Variants in GNG4 observed in about 807,000 individuals in gnomAD.
The protein encoded by GNG4 is G protein subunit gamma 4.
In GNG4, 4 loss-of-function variants were observed where a neutral mutation model predicts 5.8. The ratio of observed to expected loss-of-function variants is 0.69; its 90% CI spans 0.34 to 1.57. The LOEUF (loss-of-function observed/expected upper bound fraction) is 1.57, where lower values mean the gene tolerates loss of function less well. Among genes scored for constraint, GNG4 ranks in the 40% most tolerant of loss-of-function variants. GNG4 has a pLI of 0.06. For synonymous variants in GNG4, 29 were observed against 32.9 expected, an observed-to-expected ratio of 0.88 and a Z score of 0.41; for missense variants, 96 against 95.1, an observed-to-expected ratio of 1.01 and a Z score of -0.04.
At chr1:235,581,588 G>C (rs190800239) in intron 3 of GNG4, among the ~76,000 whole-genome samples, 53 of 151,760 alleles carry the variant, frequency 3.5e-4, no homozygotes, top group African/African-American at 1.2e-3. Flanking sequence ...AGATGTGCCT[G>C]CTTACCCTTC....
At chr1:235,635,632 C>T (rs116010643) in intron 1 of GNG4, among the ~76,000 whole-genome samples, 779 of 23,650 alleles carry the variant, frequency 0.033, 5 homozygotes, top group African/African-American at 0.16. Context: ...GCAGAACTGT[C>T]GGCTAAATAA....
chr1:235,650,499 C>A (rs1279199901), upstream of GNG4: 1 of 152,464 alleles, frequency 6.6e-6, no homozygotes, highest in East Asian at 1.9e-4. Context: ...CCAAGGGACG[C>A]CTCGGAAGCC....
At chr1:235,556,838 A>AG (rs1686923015) in intron 3 of GNG4, among the ~76,000 whole-genome samples, 2 of 151,962 alleles carry the variant, frequency 1.3e-5, no homozygotes, top group South Asian at 4.2e-4. Flanking sequence ...TTCTGCAACT[A>AG]GATGGTCCCA....
intron 1 of GNG4, among the ~76,000 whole-genome samples, chr1:235,604,790 A>G (rs1688325125): frequency 6.6e-6 from 1 of 152,086 alleles, no homozygotes; most frequent in African/African-American, 2.4e-5. Flanking sequence ...TAAACTCTGA[A>G]CTCAGTATAG....
intron 1 of GNG4, among the ~76,000 whole-genome samples, chr1:235,610,109 C>T (rs1273735406): frequency 5.3e-5 from 8 of 152,198 alleles, no homozygotes; most frequent in South Asian, 2.1e-4. Flanking sequence ...GAGAATCACA[C>T]GCCACATGGA....
intron 1 of GNG4, among the ~76,000 whole-genome samples, chr1:235,641,438 C>A (rs531497734): frequency 1.3e-5 from 2 of 151,488 alleles, no homozygotes; most frequent in South Asian, 2.1e-4. Flanking sequence ...CGCCCGTAAT[C>A]CCAGCACTTT....
intron 1 of GNG4, among the ~76,000 whole-genome samples, chr1:235,616,743 T>TGC (rs1491312290): frequency 3.4e-4 from 51 of 149,794 alleles, no homozygotes; most frequent in South Asian, 1.3e-3. Flanking sequence ...TGTGTGTGTG[T>TGC]GCGCGCGTGT....
At chr1:235,619,184 C>CAT (rs201225591) in intron 1 of GNG4, among the ~76,000 whole-genome samples, 45 of 69,632 alleles carry the variant, frequency 6.5e-4, no homozygotes, top group African/African-American at 2.4e-3. Context: ...TATACACACA[C>CAT]ATATATATAC....
intron 3 of GNG4, among the ~76,000 whole-genome samples, chr1:235,575,163 A>G (rs1436255824): frequency 6.6e-6 from 1 of 152,148 alleles, no homozygotes; most frequent in Non-Finnish European, 1.5e-5. Context: ...TTTCTGCACT[A>G]TCGCACTCTA....
intron 1 of GNG4, among the ~76,000 whole-genome samples, chr1:235,595,861 C>T (rs149015010): frequency 3.9e-5 from 6 of 152,274 alleles, no homozygotes; most frequent in East Asian, 3.9e-4. Flanking sequence ...AAACAGGTCA[C>T]GTGTTTTCTT....
chr1:235,552,266 G>A (rs1024420740), intron 3 of GNG4, 29 bp from the exon 4 acceptor site: 1 of 1,609,994 alleles, frequency 6.2e-7, no homozygotes, highest in Non-Finnish European at 8.5e-7. Flanking sequence ...CAGGTGCTCA[G>A]TTAAAGGCCC....
At chr1:235,589,744 T>G (rs541022014) in intron 2 of GNG4, among the ~76,000 whole-genome samples, 1 of 152,262 alleles carries the variant, frequency 6.6e-6, no homozygotes, top group South Asian at 2.1e-4. Flanking sequence ...CCTTGAGTTG[T>G]GTTTGCAGCT....
At chr1:235,638,948 T>C (rs1278709972) in intron 1 of GNG4, among the ~76,000 whole-genome samples, 1 of 152,182 alleles carries the variant, frequency 6.6e-6, no homozygotes, top group African/African-American at 2.4e-5. Flanking sequence ...CTATTGTAAA[T>C]AGTGCTGCAA....
intron 2 of GNG4, among the ~76,000 whole-genome samples, chr1:235,592,069 A>G (rs1687976584): frequency 6.6e-6 from 1 of 152,234 alleles, no homozygotes; most frequent in Admixed American, 6.5e-5. Flanking sequence ...TGGTTTCCCT[A>G]TAGAAACTAA....
At chr1:235,569,528 CT>C (rs143624751) in intron 3 of GNG4, among the ~76,000 whole-genome samples, 13 of 145,824 alleles carry the variant, frequency 8.9e-5, no homozygotes, top group South Asian at 2.2e-4. Flanking sequence ...TGCCTATATT[CT>C]TTTTTTTTTG....
intron 1 of GNG4, among the ~76,000 whole-genome samples, chr1:235,607,557 A>G (rs1432507450): frequency 1.3e-5 from 2 of 152,372 alleles, no homozygotes; most frequent in Non-Finnish European, 2.9e-5. Context: ...AAGCAAATGC[A>G]TTGTACTTCA....
In GNG4 at chr1:235,590,408, T is replaced by C. The variant is rs1034213426; in HGVS notation, c.-11+4992A>G. The stretch of plus-strand genomic sequence containing the variant: ...AGGCAGAGATTGCAGTGAGCCGAGA[T>C]TGCGCCACTGCACTCCAGCCTGGGT... On this transcript the variant is annotated intron_variant, in intron 2 of 3. Transcript: ENST00000391854. 2.0e-5 allele frequency among the ~76,000 whole-genome samples: 3 copies of C among 151,860 alleles called. No individual in the cohort carries two copies. The East Asian group carries it at 5.8e-4, about 29-fold the overall frequency.
chr1:235,604,963 G>A (rs1437407222), intron 1 of GNG4, among the ~76,000 whole-genome samples: 2 of 152,140 alleles, frequency 1.3e-5, no homozygotes, highest in East Asian at 1.9e-4. Context: ...ATGGGAGCAT[G>A]AACTGAGAAG....
chr1:235,587,328 A>AGAGT (rs1553367442), intron 2 of GNG4, among the ~76,000 whole-genome samples: 1 of 51,724 alleles, frequency 1.9e-5, no homozygotes, highest in African/African-American at 1.2e-4. Context: ...TGTGTGTGAG[A>AGAGT]GTGTGAGAGC....
Sources: allele counts gnomAD v4.1 joint callset (sites outside exome capture counted in the v4.1 genomes callset), GRCh38; gene constraint gnomAD v4.1.1; transcripts MANE v1.5; gene names NCBI Gene and HGNC (gene_info 2026-07-23, HGNC 2026-07-21).